The following WDR7 variants were observed in gnomAD, a reference collection of about 807,000 sequenced individuals.
The protein encoded by WDR7 is WD repeat domain 7.
WDR7 carries 46 observed loss-of-function variants against 169.4 expected under a neutral mutation model. The observed-to-expected ratio is 0.27, with a 90% CI of 0.21 to 0.35. WDR7 has a LOEUF of 0.35. Ranked by LOEUF, WDR7 falls within the 10% of genes least tolerant of loss-of-function variation. The pLI, the probability that WDR7 is intolerant of heterozygous loss-of-function variation, is 1.00. For synonymous variants in WDR7, 612 were observed against 666.8 expected, an observed-to-expected ratio of 0.92 and a Z score of 1.27; for missense variants, 1,534 against 1,859.3, an observed-to-expected ratio of 0.83 and a Z score of 3.22.
chr18:56,978,408 T>C (rs772191905), intron 26 of WDR7, among the ~76,000 whole-genome samples: 1 of 152,224 alleles, frequency 6.6e-6, no homozygotes, highest in Non-Finnish European at 1.5e-5. Flanking sequence ...TGCTACTATA[T>C]ATCAGACACA....
At chr18:56,954,454 T>C (rs960137200) in intron 25 of WDR7, among the ~76,000 whole-genome samples, 1 of 152,050 alleles carries the variant, frequency 6.6e-6, no homozygotes, top group Non-Finnish European at 1.5e-5. Flanking sequence ...TAAAAGAAGC[T>C]AGCAATATTG....
At chr18:56,843,186 T>G (rs2045513598) in intron 20 of WDR7, among the ~76,000 whole-genome samples, 1 of 152,206 alleles carries the variant, frequency 6.6e-6, no homozygotes, top group South Asian at 2.1e-4. Context: ...CTATTGAAAA[T>G]TGGGCATTAG....
intron 26 of WDR7, among the ~76,000 whole-genome samples, chr18:56,981,962 G>A (rs561238530): frequency 3.4e-4 from 51 of 152,046 alleles, no homozygotes; most frequent in African/African-American, 1.2e-3. Flanking sequence ...GATAGGGAAG[G>A]GTTTAACAAG....
chr18:56,778,846 T>C (rs1207183340), intron 17 of WDR7, among the ~76,000 whole-genome samples: 1 of 152,226 alleles, frequency 6.6e-6, no homozygotes, highest in Non-Finnish European at 1.5e-5. Context: ...TTTTTTTCTT[T>C]CCAAATTGGG....
In WDR7 at chr18:57,018,622, T is replaced by C. The variant is rs948753505; in HGVS notation, c.4165-2123T>C. Among the ~76,000 whole-genome samples the C allele has an allele frequency of 2.0e-5, 3 of 152,218 alleles. No individual in the cohort carries two copies. The East Asian group carries it at 5.8e-4, about 29-fold the overall frequency. On this transcript the variant is annotated intron_variant, in intron 26 of 27. Transcript: ENST00000254442. Reference sequence around the variant, plus strand: ...TGTTTTTACAGAAGATCTGATCAATTAGAAAGATGGGCTGAAAAAATTTGT... The same window carrying C: ...TGTTTTTACAGAAGATCTGATCAATCAGAAAGATGGGCTGAAAAAATTTGT...
intron 25 of WDR7, among the ~76,000 whole-genome samples, chr18:56,957,878 TC>T (rs1439733559): frequency 2.0e-5 from 3 of 152,142 alleles, no homozygotes; most frequent in African/African-American, 7.2e-5. Context: ...TAACTTAACA[TC>T]CTGAGATCAT....
At chr18:56,908,049 A>G (rs527334422) in intron 21 of WDR7, among the ~76,000 whole-genome samples, 2 of 152,294 alleles carry the variant, frequency 1.3e-5, no homozygotes, top group African/African-American at 4.8e-5. Context: ...ATATAGTTCT[A>G]TAAACATGCA....
intron 26 of WDR7, among the ~76,000 whole-genome samples, chr18:56,967,928 AAAGTCTATACACATT>A (rs1328641915): frequency 2.6e-5 from 4 of 152,260 alleles, no homozygotes; most frequent in African/African-American, 9.6e-5. Flanking sequence ...TGACCAAAAA[AAAGTCTATACACATT>A]AAATGCAGAT....
At chr18:56,681,881 A>C (rs965659830) in intron 4 of WDR7, among the ~76,000 whole-genome samples, 1 of 152,174 alleles carries the variant, frequency 6.6e-6, no homozygotes, top group Non-Finnish European at 1.5e-5. Flanking sequence ...TAATATGTAG[A>C]GTGTTACACA....
chr18:56,767,540 G>A (rs2044086547), intron 16 of WDR7, among the ~76,000 whole-genome samples: 1 of 152,152 alleles, frequency 6.6e-6, no homozygotes, highest in South Asian at 2.1e-4. Flanking sequence ...ATGATGCCCA[G>A]TGGCTTGAAA....
intron 12 of WDR7, among the ~76,000 whole-genome samples, chr18:56,703,269 T>C (rs925462268): frequency 6.6e-6 from 1 of 152,246 alleles, no homozygotes; most frequent in Non-Finnish European, 1.5e-5. Context: ...GTGTGGCTAA[T>C]GTTCACAGCC....
intron 21 of WDR7, among the ~76,000 whole-genome samples, chr18:56,891,689 G>A (rs918279753): frequency 2.0e-5 from 3 of 152,028 alleles, no homozygotes; most frequent in African/African-American, 7.2e-5. Context: ...GAATCCAGAT[G>A]CATTTTTCCC....
chr18:56,845,963 T>C (rs2045560313), intron 20 of WDR7, among the ~76,000 whole-genome samples: 1 of 152,182 alleles, frequency 6.6e-6, no homozygotes, highest in Non-Finnish European at 1.5e-5. Flanking sequence ...CCCTCAACAC[T>C]TACGCATTTT....
chr18:56,873,524 A>G (rs1183057429), intron 20 of WDR7: 1 of 152,148 alleles, frequency 6.6e-6, no homozygotes, highest in African/African-American at 2.4e-5. Context: ...GAGCTCACCA[A>G]ATGCCCCTGT....
At position 56,771,457 on chromosome 18, in the gene WDR7, C is replaced by T. The variant is rs957024941; in HGVS notation, c.2849-5325C>T. Reference sequence around the variant, plus strand: ...GTAGGAAAGGTGGAGCGTGGTGGCTCATGCCTTTAGTCCCAGGAATTTGGG... The same window carrying T: ...GTAGGAAAGGTGGAGCGTGGTGGCTTATGCCTTTAGTCCCAGGAATTTGGG... On this transcript the variant is annotated intron_variant, in intron 16 of 27. Transcript: ENST00000254442. Among the ~76,000 whole-genome samples the T allele has an allele frequency of 5.9e-5, 9 of 151,412 alleles. No individual in the cohort carries two copies. In the East Asian group the frequency reaches 1.4e-3, roughly 23 times the overall value.
intron 14 of WDR7, among the ~76,000 whole-genome samples, chr18:56,736,159 T>C (rs565230981): frequency 6.6e-6 from 1 of 152,256 alleles, no homozygotes; most frequent in South Asian, 2.1e-4. Flanking sequence ...AAATTCAAAA[T>C]TCAGAGTTGC....
intron 26 of WDR7, among the ~76,000 whole-genome samples, chr18:56,964,571 A>G (rs2047381116): frequency 6.6e-6 from 1 of 152,106 alleles, no homozygotes; most frequent in Non-Finnish European, 1.5e-5. Context: ...TATTTTTAGT[A>G]GAGATGGGGT....
intron 26 of WDR7, among the ~76,000 whole-genome samples, chr18:56,967,247 G>C (rs536920113): frequency 2.0e-5 from 3 of 151,464 alleles, no homozygotes; most frequent in African/African-American, 7.4e-5. Context: ...TCTGCAGGCT[G>C]TTCTTGCCTG....
rs1320050641 is a variant in WDR7 at position 56,880,088 on chromosome 18, C to A, written c.3449C>A (p.Pro1150His). 6.2e-7 allele frequency: 1 copy of A among 1,613,930 alleles called. No homozygotes were observed. Among genetic ancestry groups the A allele is most frequent in the African/African-American group, 1.3e-5 (1 of 74,896 alleles). ...GAACCTCCTAAACTATTGACCAGAC[C>A]TCGAAGCTCTAGCCAAATTCCTGAG... ...EIEPPKLLTRPRSSSQIPEGF... is the reference protein window; with the variant it reads ...EIEPPKLLTRHRSSSQIPEGF... The change falls in exon 21 of 28, where the codon CCT becomes CAT. Residue 1150 changes from proline (P) to histidine (H), a missense_variant. Pro to His is a moderately conservative substitution (Grantham distance 77). Coordinates refer to ENST00000254442, the MANE Select transcript of WDR7 (RefSeq NM_015285.3).
Sources: gnomAD v4.1 joint callset for allele counts (sites outside exome capture counted in the v4.1 genomes callset) on GRCh38, gnomAD v4.1.1 for gene constraint, MANE v1.5 for transcripts, NCBI Gene and HGNC (gene_info 2026-07-23, HGNC 2026-07-21) for gene names.